NAALADL2: variants seen among roughly 807,000 people sequenced by gnomAD.
The protein encoded by NAALADL2 is inactive N-acetylated-alpha-linked acidic dipeptidase-like protein 2.
NAALADL2 carries 76 observed loss-of-function variants against 87.2 expected under a neutral mutation model. The ratio of observed to expected loss-of-function variants is 0.87; its 90% CI spans 0.72 to 1.05. NAALADL2 has a LOEUF of 1.05. Ranked by LOEUF, NAALADL2 falls within the 50% of genes least tolerant of loss-of-function variation. The pLI is 0.00. For missense variants in NAALADL2, 1,089 were observed against 945.8 expected (o/e 1.15, Z -1.99); for synonymous variants, 354 against 331.0 (o/e 1.07, Z -0.75).
At chr3:174,478,577 G>A (rs371268948) in intron 1 of NAALADL2, among the ~76,000 whole-genome samples, 1 of 151,898 alleles carries the variant, frequency 6.6e-6, no homozygotes, top group African/African-American at 2.4e-5. Flanking sequence ...TAACAGATAT[G>A]TACTAGATAT....
chr3:175,290,669 C>T (rs924799739), intron 4 of NAALADL2, among the ~76,000 whole-genome samples: 1 of 152,194 alleles, frequency 6.6e-6, no homozygotes, highest in South Asian at 2.1e-4. Flanking sequence ...CAGACCTTGG[C>T]GATGACCTTG....
chr3:175,182,963 A>G (rs184013711), intron 2 of NAALADL2, among the ~76,000 whole-genome samples: 3 of 152,126 alleles, frequency 2.0e-5, no homozygotes, highest in Admixed American at 2.0e-4. Flanking sequence ...TATAGCTTGA[A>G]GTGAGGTAGT....
intron 1 of NAALADL2, among the ~76,000 whole-genome samples, chr3:174,508,585 T>G (rs1469692360): frequency 6.6e-6 from 1 of 152,224 alleles, no homozygotes; most frequent in African/African-American, 2.4e-5. Flanking sequence ...GTAACAATAT[T>G]GAGTATTTCA....
intron 2 of NAALADL2, among the ~76,000 whole-genome samples, chr3:174,611,260 A>G (rs150427453): frequency 0.02 from 3,068 of 152,178 alleles, 98 homozygotes; most frequent in African/African-American, 0.069. Flanking sequence ...GCACATGTAT[A>G]CATATGTAAC....
chr3:174,886,155 C>T (rs1458949608), intron 1 of NAALADL2, among the ~76,000 whole-genome samples: 1 of 151,788 alleles, frequency 6.6e-6, no homozygotes, highest in Non-Finnish European at 1.5e-5. Flanking sequence ...CCTCATGATC[C>T]ACCCACCTTG....
intron 2 of NAALADL2, among the ~76,000 whole-genome samples, chr3:174,630,466 A>G (rs1194451430): frequency 6.6e-6 from 1 of 152,190 alleles, no homozygotes; most frequent in Admixed American, 6.5e-5. Context: ...TACAAAATTT[A>G]TCCTTACTTT....
intron 2 of NAALADL2, among the ~76,000 whole-genome samples, chr3:174,616,172 T>C (rs1720444332): frequency 6.6e-6 from 1 of 151,742 alleles, no homozygotes; most frequent in Non-Finnish European, 1.5e-5. Context: ...ATGTTGTAAA[T>C]CTATGGAAGA....
intron 1 of NAALADL2, among the ~76,000 whole-genome samples, chr3:174,543,696 T>C (rs1373959938): frequency 6.6e-6 from 1 of 152,060 alleles, no homozygotes; most frequent in Non-Finnish European, 1.5e-5. Context: ...GGAAGTATTA[T>C]GTAAGCATAA....
In NAALADL2 at chr3:174,714,230, C is replaced by T. The variant is rs202181021; in HGVS notation, c.-114-23411C>T. Among the ~76,000 whole-genome samples the T allele has an allele frequency of 7.8e-4, 118 of 152,020 alleles. 1 individual carries two copies. In the East Asian group the frequency reaches 0.016, roughly 20 times the overall value. On this transcript the variant is annotated intron_variant, in intron 2 of 3. Transcript: ENST00000434257. ...CTTGTAGTATAGTTTGAAGTCAGGT[C>T]GCGTGATACCCCTAGCTTTGTTCTT...
chr3:174,670,578 T>C (rs1726436299), intron 2 of NAALADL2, among the ~76,000 whole-genome samples: 2 of 152,080 alleles, frequency 1.3e-5, no homozygotes, highest in Non-Finnish European at 2.9e-5. Flanking sequence ...TTTGGTAAGC[T>C]CAAGAGGCAA....
intron 1 of NAALADL2, among the ~76,000 whole-genome samples, chr3:175,060,485 A>G (rs934322104): frequency 1.3e-5 from 2 of 152,198 alleles, no homozygotes; most frequent in African/African-American, 2.4e-5. Context: ...TGTTTTAAAT[A>G]TTTTCAATTA....
chr3:174,800,134 T>C (rs1718642728), intron 3 of NAALADL2, among the ~76,000 whole-genome samples: 1 of 151,950 alleles, frequency 6.6e-6, no homozygotes, highest in African/African-American at 2.4e-5. Flanking sequence ...GAAAAGAAAA[T>C]CTCATTTTCT....
chr3:174,764,997 G>GT (rs375304395), intron 3 of NAALADL2, among the ~76,000 whole-genome samples: 57 of 150,610 alleles, frequency 3.8e-4, no homozygotes, highest in South Asian at 1.3e-3. Context: ...TTCTACCTTT[G>GT]TTTTTTTTTC....
intron 5 of NAALADL2, among the ~76,000 whole-genome samples, chr3:175,362,855 A>C (rs750169154): frequency 6.1e-5 from 9 of 147,204 alleles, no homozygotes; most frequent in Non-Finnish European, 1.1e-4. Flanking sequence ...TTGTTTTTTG[A>C]CTTTTTGATC....
At chr3:174,605,035 G>T (rs1718855712) in intron 2 of NAALADL2, among the ~76,000 whole-genome samples, 1 of 152,140 alleles carries the variant, frequency 6.6e-6, no homozygotes, top group East Asian at 1.9e-4. Flanking sequence ...TTACAGGTGT[G>T]AACCACCATG....
chr3:174,695,345 T>C (rs1728922770), intron 2 of NAALADL2, among the ~76,000 whole-genome samples: 1 of 152,012 alleles, frequency 6.6e-6, no homozygotes, highest in Non-Finnish European at 1.5e-5. Flanking sequence ...GTAGATATTT[T>C]AGTATACAGG....
chr3:175,108,876 T>A (rs1723705823), intron 2 of NAALADL2, among the ~76,000 whole-genome samples: 1 of 151,922 alleles, frequency 6.6e-6, no homozygotes, highest in South Asian at 2.1e-4. Context: ...CAGGTTTTTA[T>A]AAGCTGTTAT....
chr3:174,882,762 TAC>T lies in NAALADL2; in HGVS notation c.43+23317_43+23318del, dbSNP rs199680991. 8.8e-3 allele frequency among the ~76,000 whole-genome samples: 1,294 copies of T among 146,370 alleles called. 42 individuals are homozygous for T. Among genetic ancestry groups the T allele is most frequent in the Admixed American group, 0.059 (860 of 14,520 alleles). On this transcript the variant is annotated intron_variant, in intron 1 of 13. Transcript: ENST00000454872. Reference sequence around the variant, plus strand: ...ATGTGTATATACACACGTGTATATATACACACGTGTATATATACATATGTGTA... The same window carrying T: ...ATGTGTATATACACACGTGTATATATACACGTGTATATATACATATGTGTA...
chr3:175,259,826 A>G (rs1268556047), intron 4 of NAALADL2, among the ~76,000 whole-genome samples: 2 of 152,148 alleles, frequency 1.3e-5, no homozygotes, highest in African/African-American at 4.8e-5. Flanking sequence ...CCAGGAGTTC[A>G]AGACCAGCCT....
Sources: allele counts gnomAD v4.1 joint callset (sites outside exome capture counted in the v4.1 genomes callset), GRCh38; gene constraint gnomAD v4.1.1; transcripts MANE v1.5; gene names NCBI Gene and HGNC (gene_info 2026-07-23, HGNC 2026-07-21).